The following PDPR variants were observed in gnomAD, a reference collection of about 807,000 sequenced individuals.
The protein encoded by PDPR is pyruvate dehydrogenase phosphatase regulatory subunit, also known as pyruvate dehydrogenase phosphatase regulatory subunit, mitochondrial.
Under a neutral mutation model 102.2 loss-of-function variants are expected in PDPR, and 50 were observed. The observed-to-expected ratio is 0.49, with a 90% CI of 0.39 to 0.62. PDPR has a LOEUF of 0.62. Ranked by LOEUF, PDPR falls within the 20% of genes least tolerant of loss-of-function variation. The pLI is 0.00. For missense variants in PDPR, 625 were observed against 1,098.2 expected (o/e 0.57, Z 6.09); for synonymous variants, 259 against 406.0 (o/e 0.64, Z 4.35).
chr16:70,138,506 C>G (rs1303384015), intron 10 of PDPR, among the ~76,000 whole-genome samples: 11 of 152,098 alleles, frequency 7.2e-5, no homozygotes, highest in South Asian at 4.1e-4. Context: ...TGTGAGCCAC[C>G]TGGCTCACTT....
chr16:70,156,602 C>G lies in PDPR; in HGVS notation c.2363C>G (p.Pro788Arg). 6.2e-7 allele frequency: 1 copy of G among 1,614,086 alleles called. No homozygotes were observed. Among genetic ancestry groups the G allele is most frequent in the Non-Finnish European group, 8.5e-7 (1 of 1,179,912 alleles). Residue 788 changes from proline to arginine, a missense_variant, in exon 19 of 19, where the codon CCC (proline) becomes CGC (arginine). Around this residue, in one of 11 missense-constraint regions of PDPR, gnomAD observed 303 missense variants for 258.9 expected, o/e 1.17. Transcript: ENST00000288050. ...GACCTTTGGCCTTGGTGGGGAGAGC[C>G]CATTTACCGGAATGGGCAGTATGTT... ...DLDLWPWWGE[P>R]IYRNGQYVGK...
In PDPR at chr16:70,136,241, C is replaced by A. The variant is rs761535315; in HGVS notation, c.1045C>A (p.Leu349Met). Residue 349 changes from leucine (L) to methionine (M), a missense_variant, in exon 10 of 19, where the codon CTG (leucine) becomes ATG (methionine). By Grantham distance (15) the Leu-to-Met change is conservative. This residue lies in a region of PDPR where 50 missense variants were observed against 79.9 expected (regional missense o/e 0.63). Transcript: ENST00000288050. ...LLRRMPELET[L>M]EIMKLVNCPE... is the part of the protein sequence containing the mutation. ...GAGGAGGATGCCAGAATTAGAGACT[C>A]TGGAGATCATGAAGTTGGTGAACTG... 3 of 1,611,782 alleles carry A rather than the reference C, an allele frequency of 1.9e-6. No individual in the cohort carries two copies. Among genetic ancestry groups the A allele is most frequent in the Admixed American group, 1.7e-5 (1 of 59,754 alleles).
rs369743914 is a variant in PDPR, at chr16:70,159,666, A to G, written c.*2787A>G. The G allele has an allele frequency of 5.2e-5, 8 of 152,978 alleles. No homozygotes were observed. Among genetic ancestry groups the G allele is most frequent in the African/African-American group, 1.7e-4 (7 of 41,602 alleles). 9.5% of individuals were successfully genotyped at this position (152,978 alleles called of 1,614,324 possible). A position where few individuals can be genotyped will look rare whatever the true frequency, so the allele number is the denominator to read the frequency against. On this transcript the variant is annotated 3_prime_UTR_variant, in exon 19 of 19. Coordinates refer to ENST00000288050, the MANE Select transcript of PDPR (RefSeq NM_017990.5). Reference sequence around the variant, plus strand: ...CTTTGCCTCTGTCTAGTGTCCAAGCATCTTAGCTGTTCAAGAGGAGAGGGC... The same window carrying G: ...CTTTGCCTCTGTCTAGTGTCCAAGCGTCTTAGCTGTTCAAGAGGAGAGGGC...
intron 9 of PDPR, among the ~76,000 whole-genome samples, chr16:70,133,183 C>T (rs1286335183): frequency 2.9e-5 from 4 of 140,188 alleles, no homozygotes; most frequent in Admixed American, 8.0e-5. Flanking sequence ...GGTGTGATCT[C>T]GGCTCACTGC....
At chr16:70,122,908 GT>G (rs3056427) in intron 3 of PDPR, among the ~76,000 whole-genome samples, 2 of 147,870 alleles carry the variant, frequency 1.4e-5, no homozygotes, top group Non-Finnish European at 1.5e-5. Flanking sequence ...GCAGTGGATA[GT>G]TTTTTTTTTG....
In PDPR at chr16:70,156,875, A is replaced by G. The variant is rs762422872; in HGVS notation, c.2636A>G (p.Lys879Arg). 2 of 1,613,380 alleles carry G rather than the reference A, an allele frequency of 1.2e-6. No individual in the cohort carries two copies. The highest frequency in any genetic ancestry group is 1.7e-6 in the Non-Finnish European group (2 of 1,179,592). The change falls in exon 19 of 19, where the codon AAG becomes AGG. Residue 879 changes from lysine to arginine, a missense_variant. Transcript: ENST00000288050. ...DDMELSDLHGK is the reference protein window; with the variant it reads ...DDMELSDLHGR ...ATGGAGCTGAGTGACTTACATGGGA[A>G]GTGATGCCACCAGGGCAGCCTCACC...
intron 8 of PDPR, 123 bp from the exon 9 acceptor site, chr16:70,132,028 T>G (rs1964589393): frequency 6.4e-7 from 1 of 1,570,122 alleles, no homozygotes; most frequent in African/African-American, 1.4e-5. Context: ...TGAATGTTCT[T>G]TCATTAATAA....
chr16:70,162,655 ATT>A (rs1411314112), downstream of PDPR: 2 of 152,974 alleles, frequency 1.3e-5, no homozygotes, highest in African/African-American at 4.8e-5. Flanking sequence ...GTGAGGGAGG[ATT>A]TGGGGACGGG....
At position 70,160,152 on chromosome 16, in the gene PDPR, C is replaced by T. The variant is rs1261833774; in HGVS notation, c.*3273C>T. On this transcript the variant is annotated 3_prime_UTR_variant, in exon 19 of 19. Coordinates refer to ENST00000288050, the MANE Select transcript of PDPR (RefSeq NM_017990.5). ...CAGTTTTCCGTGGGCCTTCCCCTCC[C>T]TTGAAATGTCTTTAATTACCTCCCC... The T allele has an allele frequency of 1.3e-5, 2 of 152,980 alleles. No individual in the cohort carries two copies. The highest frequency in any genetic ancestry group is 3.8e-4 in the East Asian group (2 of 5,214). The allele number at this position is 152,980 out of a possible 1,614,324, so 9.5% of individuals were successfully genotyped here.
At chr16:70,117,004 C>T (rs1231434529) in intron 2 of PDPR, among the ~76,000 whole-genome samples, 1 of 150,352 alleles carries the variant, frequency 6.7e-6, no homozygotes, top group Admixed American at 6.7e-5. Context: ...AGCGTGGAGT[C>T]ATGATTAAAT....
chr16:70,127,697 CTCTT>C (rs1964117301), intron 4 of PDPR, among the ~76,000 whole-genome samples: 1 of 152,288 alleles, frequency 6.6e-6, no homozygotes, highest in Non-Finnish European at 1.5e-5. Flanking sequence ...ATTGCTTCAA[CTCTT>C]TCTTCATAAG....
downstream of PDPR, among the ~76,000 whole-genome samples, chr16:70,162,921 T>C (rs566475777): frequency 6.6e-6 from 1 of 152,256 alleles, no homozygotes; most frequent in Non-Finnish European, 1.5e-5. Context: ...CCAGCTTCCA[T>C]CCACAAGTTG....
intron 17 of PDPR, 111 bp downstream of exon 17, chr16:70,148,664 A>C: frequency 1.0e-6 from 1 of 982,854 alleles, no homozygotes; most frequent in Non-Finnish European, 1.6e-6. Flanking sequence ...GTTCACCAGC[A>C]CTGGCAGGTT....
chr16:70,163,062 C>T (rs1231460000), downstream of PDPR, among the ~76,000 whole-genome samples: 28 of 152,360 alleles, frequency 1.8e-4, no homozygotes, highest in South Asian at 5.4e-3. Context: ...TGATTTCCTG[C>T]CTTAGCCTCC....
chr16:70,152,334 C>T (rs1966798736), intron 17 of PDPR, among the ~76,000 whole-genome samples: 2 of 152,286 alleles, frequency 1.3e-5, no homozygotes, highest in South Asian at 2.1e-4. Flanking sequence ...GCCTGGTCAA[C>T]ATGGCGAAAC....
At chr16:70,149,535 G>A (rs1352098794) in intron 17 of PDPR, among the ~76,000 whole-genome samples, 1 of 152,220 alleles carries the variant, frequency 6.6e-6, no homozygotes, top group East Asian at 1.9e-4. Flanking sequence ...CAAAGTGCTG[G>A]GATTACAGGC....
chr16:70,156,450 A>G lies in PDPR; in HGVS notation c.2236-25A>G, dbSNP rs779410823. ...CCGAGGGTCTGAGTGTCGCTGGATG[A>G]CTCGGCGTTTCCTTTCTTTCTTAGG... On this transcript the variant is annotated intron_variant, in intron 18 of 18. Coordinates refer to ENST00000288050, the MANE Select transcript of PDPR (RefSeq NM_017990.5). The G allele has an allele frequency of 1.4e-5, 22 of 1,610,210 alleles. No individual in the cohort carries two copies. In the Admixed American group the frequency reaches 3.3e-4, roughly 25 times the overall value.
intron 3 of PDPR, among the ~76,000 whole-genome samples, chr16:70,125,551 TCA>T (rs1567525034): frequency 1.5e-4 from 7 of 45,250 alleles, no homozygotes; most frequent in Non-Finnish European, 2.6e-4. Context: ...AAACTGCGTC[TCA>T]AAAAAAAAAA....
At chr16:70,141,059 AT>A (rs1267986983) in intron 11 of PDPR, among the ~76,000 whole-genome samples, 114 of 150,550 alleles carry the variant, frequency 7.6e-4, no homozygotes, top group African/African-American at 2.4e-3. Context: ...AGGGAAATGA[AT>A]TTTTTTTTTT....
Sources: allele counts gnomAD v4.1 joint callset (sites outside exome capture counted in the v4.1 genomes callset), GRCh38; gene constraint gnomAD v4.1.1; regional missense constraint gnomAD v4.1.1; transcripts MANE v1.5; gene names NCBI Gene and HGNC (gene_info 2026-07-23, HGNC 2026-07-21).